Variants in TET2 observed in about 807,000 individuals in gnomAD.
TET2 encodes methylcytosine dioxygenase TET2.
A neutral mutation model predicts 142.9 loss-of-function variants in TET2; 299 were observed. The ratio of observed to expected loss-of-function variants is 2.09; its 90% CI spans 1.90 to 2.30. The LOEUF (loss-of-function observed/expected upper bound fraction) is 2.30, where lower values mean the gene tolerates loss of function less well. Ranked by LOEUF, TET2 falls within the 30% of genes most tolerant of loss-of-function variation. The probability of loss-of-function intolerance (pLI) is 0.00; values close to 1 mark genes in which losing one functional copy is unlikely to be tolerated. For synonymous variants in TET2, 819 were observed against 849.0 expected (o/e 0.96, Z 0.61); for missense variants, 2,418 against 2,378.0 (o/e 1.02, Z -0.35).
rs1728166567 is a variant in TET2, at chr4:105,225,932, G to A, written c.-46-7965G>A. ...AAGGGATCAGAATAACTCTGTGGCAGCTTCAAATTCCATGTCCTAAAAGTT... is the reference window on the plus strand; with the variant it reads ...AAGGGATCAGAATAACTCTGTGGCAACTTCAAATTCCATGTCCTAAAAGTT... On this transcript the variant is annotated intron_variant, in intron 2 of 10. Coordinates refer to ENST00000380013, the MANE Select transcript of TET2 (RefSeq NM_001127208.3). Among the ~76,000 whole-genome samples the A allele has an allele frequency of 2.6e-5, 4 of 152,246 alleles. No homozygotes were observed. In the South Asian group the frequency reaches 8.3e-4, roughly 32 times the overall value.
intron 3 of TET2, 127 bp downstream of exon 3, chr4:105,237,478 A>T: frequency 6.2e-7 from 1 of 1,607,938 alleles, no homozygotes; most frequent in Non-Finnish European, 8.5e-7. Context: ...GGCTCATAAA[A>T]ATCTGAAGCT....
At chr4:105,214,440 G>A (rs1055713217) in intron 2 of TET2, among the ~76,000 whole-genome samples, 1 of 148,156 alleles carries the variant, frequency 6.7e-6, no homozygotes, top group Non-Finnish European at 1.5e-5. Context: ...CCAAGTACCT[G>A]GGACTACAGG....
chr4:105,217,894 A>G (rs1727589537), intron 2 of TET2, among the ~76,000 whole-genome samples: 1 of 152,044 alleles, frequency 6.6e-6, no homozygotes, highest in African/African-American at 2.4e-5. Context: ...TAGAGACATC[A>G]AGAAGACATC....
rs147836249 is a variant in TET2, at chr4:105,236,546, T to G, written c.2604T>G (p.Phe868Leu). ...AAAACTTGCATCACATGCAATATTT[T>G]CCAAATAATGTGATCCCAAAGCAAG... The part of the protein sequence containing the change: ...KTQNLHHMQY[F>L]PNNVIPKQDL... Residue 868 changes from phenylalanine (F) to leucine (L), a missense_variant, in exon 3 of 11, where the codon TTT becomes TTG. Coordinates refer to ENST00000380013, the MANE Select transcript of TET2 (RefSeq NM_001127208.3). 1.2e-3 allele frequency: 1,982 copies of G among 1,614,100 alleles called. 24 individuals carry two copies. In the East Asian group the frequency reaches 0.021, roughly 17 times the overall value.
At chr4:105,150,752 C>G (rs1430841588) in intron 1 of TET2, among the ~76,000 whole-genome samples, 1 of 152,194 alleles carries the variant, frequency 6.6e-6, no homozygotes, top group African/African-American at 2.4e-5. Context: ...TATTTCTACT[C>G]ACTGCCAAAA....
chr4:105,201,047 G>T (rs1480296180), intron 2 of TET2, among the ~76,000 whole-genome samples: 2 of 152,114 alleles, frequency 1.3e-5, no homozygotes, highest in Non-Finnish European at 2.9e-5. Flanking sequence ...TTAAATTTAT[G>T]TTCTTGAGAT....
intron 1 of TET2, among the ~76,000 whole-genome samples, chr4:105,155,239 A>T (rs1723506770): frequency 6.6e-6 from 1 of 152,244 alleles, no homozygotes; most frequent in African/African-American, 2.4e-5. Flanking sequence ...TTTAAAGTTA[A>T]AATGACAAAG....
chr4:105,204,234 T>TATACAC (rs1553948997), intron 2 of TET2, among the ~76,000 whole-genome samples: 4 of 125,948 alleles, frequency 3.2e-5, no homozygotes, highest in Non-Finnish European at 6.6e-5. Flanking sequence ...AAAAAATATA[T>TATACAC]ACACACACAC....
intron 1 of TET2, chr4:105,147,426 G>GA (rs1723077356): frequency 6.6e-6 from 1 of 152,260 alleles, no homozygotes; most frequent in Admixed American, 6.5e-5. Flanking sequence ...ACCTCAGAGA[G>GA]AACACTGATA....
rs1728907634 is a variant in TET2, at chr4:105,236,352, A to C, written c.2410A>C (p.Met804Leu). ...CGAGTTCGAGACTCATAATGTCCAA[A>C]TGGGACTGGAGGAAGTACAGAATAT... ...SSEFETHNVQMGLEEVQNINR... is the reference protein window; with the variant it reads ...SSEFETHNVQLGLEEVQNINR... The change falls in exon 3 of 11, where the codon ATG (methionine) becomes CTG (leucine). Residue 804 changes from methionine (M) to leucine (L), a missense_variant. By Grantham distance (15) the Met-to-Leu change is conservative (BLOSUM62 2). Transcript: ENST00000380013. 5.0e-6 allele frequency: 8 copies of C among 1,614,004 alleles called. No homozygotes were observed. The East Asian group carries it at 1.8e-4, about 36-fold the overall frequency.
At chr4:105,265,111 C>A (rs551823258) in intron 8 of TET2, among the ~76,000 whole-genome samples, 3 of 152,282 alleles carry the variant, frequency 2.0e-5, no homozygotes, top group Admixed American at 2.0e-4. Flanking sequence ...GTGTCAATCT[C>A]AAAATCGTGT....
intron 2 of TET2, among the ~76,000 whole-genome samples, chr4:105,222,078 T>C (rs1578647010): frequency 6.6e-6 from 1 of 151,332 alleles, no homozygotes; most frequent in African/African-American, 2.4e-5. Flanking sequence ...TATTCCATGG[T>C]GTATATGTGC....
intron 1 of TET2, among the ~76,000 whole-genome samples, chr4:105,175,692 T>C (rs1724746279): frequency 1.3e-5 from 2 of 151,848 alleles, no homozygotes; most frequent in South Asian, 4.2e-4. Flanking sequence ...CCAATTAATG[T>C]CAGACACCAA....
intron 2 of TET2, among the ~76,000 whole-genome samples, chr4:105,224,575 T>C (rs913026516): frequency 2.6e-4 from 39 of 152,056 alleles, no homozygotes; most frequent in Non-Finnish European, 1.5e-4. Context: ...GAAACCAAAA[T>C]GTTAGCTAGT....
chr4:105,204,232 TATACACACACACAC>T lies in TET2; in HGVS notation c.-47+13729_-47+13742del, dbSNP rs1179282306. 3.7e-5 allele frequency among the ~76,000 whole-genome samples: 4 copies of T among 107,742 alleles called. No homozygotes were observed. In the Admixed American group the frequency reaches 3.8e-4, roughly 10 times the overall value. The allele number at this position is 107,742 out of a possible 152,430, so 70.7% of individuals were successfully genotyped here. A position where few individuals can be genotyped will look rare whatever the true frequency, so the allele number is the denominator to read the frequency against. On this transcript the variant is annotated intron_variant, in intron 2 of 10. Coordinates refer to ENST00000380013, the MANE Select transcript of TET2 (RefSeq NM_001127208.3). ...AAACAAACCAAAAAAAAAAAAAATATATACACACACACACACACACACACACACACACACACATA... is the reference window on the plus strand; with the variant it reads ...AAACAAACCAAAAAAAAAAAAAATATACACACACACACACACACACACATA...
intron 1 of TET2, among the ~76,000 whole-genome samples, chr4:105,183,419 C>G (rs1459560451): frequency 4.0e-5 from 6 of 151,740 alleles, no homozygotes; most frequent in African/African-American, 1.5e-4. Context: ...GTTTTTATAC[C>G]TATTCATTTC....
intron 6 of TET2, among the ~76,000 whole-genome samples, chr4:105,251,184 T>C (rs1032761721): frequency 1.3e-5 from 2 of 152,152 alleles, no homozygotes; most frequent in African/African-American, 4.8e-5. Flanking sequence ...CATCTACAAG[T>C]AGAGATAGTT....
chr4:105,237,184 T>TAGAGCAGC lies in TET2; in HGVS notation c.3244_3251dup (p.Thr1085SerfsTer24). 1 of 1,614,152 alleles carries TAGAGCAGC rather than the reference T, an allele frequency of 6.2e-7. No individual in the cohort carries two copies. The highest frequency in any genetic ancestry group is 8.5e-7 in the Non-Finnish European group (1 of 1,180,032). Reference sequence around the variant, plus strand: ...GAACTTGATAGCCACACCCCAGCTTTAGAGCAGCAAACAACTTCTTCAGAA... The same window carrying TAGAGCAGC: ...GAACTTGATAGCCACACCCCAGCTTTAGAGCAGCAGAGCAGCAAACAACTTCTTCAGAA... On this transcript the variant is annotated frameshift_variant, in exon 3 of 11. Coordinates refer to ENST00000380013, the MANE Select transcript of TET2 (RefSeq NM_001127208.3). LOFTEE classifies it high-confidence loss of function.
intron 7 of TET2, 28 bp downstream of exon 7, chr4:105,259,797 C>A (rs1028928646): frequency 6.5e-7 from 1 of 1,541,216 alleles, no homozygotes; most frequent in Admixed American, 2.0e-5. Flanking sequence ...TGTATAATCG[C>A]TTTATTTTTC....
Sources: allele counts gnomAD v4.1 joint callset (sites outside exome capture counted in the v4.1 genomes callset), GRCh38; gene constraint gnomAD v4.1.1; transcripts MANE v1.5; gene names NCBI Gene and HGNC (gene_info 2026-07-23, HGNC 2026-07-21).